The following UGT3A1 variants were observed in gnomAD, a reference collection of about 807,000 sequenced individuals.
UGT3A1 encodes the protein UDP-glycosyltransferase 3A1.
A neutral mutation model predicts 37.6 loss-of-function variants in UGT3A1; 40 were observed. The observed-to-expected ratio is 1.06, with a 90% CI of 0.83 to 1.38. The LOEUF (loss-of-function observed/expected upper bound fraction) is 1.38, where lower values mean the gene tolerates loss of function less well. UGT3A1 is among the 40% of genes most tolerant of loss of function. The pLI is 0.00. For missense variants in UGT3A1, 642 were observed against 634.2 expected (o/e 1.01, Z -0.13); for synonymous variants, 256 against 232.3 (o/e 1.10, Z -0.93).
At chr5:35,959,061 C>A (rs1739473329) in intron 4 of UGT3A1, among the ~76,000 whole-genome samples, 1 of 152,070 alleles carries the variant, frequency 6.6e-6, no homozygotes, top group Non-Finnish European at 1.5e-5. Context: ...AGAGTCTGGG[C>A]GAGGTTCATT....
chr5:35,980,000 G>C (rs1379153418), intron 2 of UGT3A1, among the ~76,000 whole-genome samples: 2 of 152,166 alleles, frequency 1.3e-5, no homozygotes, highest in African/African-American at 2.4e-5. Context: ...CTGTCCTCAT[G>C]ATTTAATTAC....
chr5:35,972,493 ACG>A (rs1740083417), intron 2 of UGT3A1, among the ~76,000 whole-genome samples: 1 of 87,332 alleles, frequency 1.1e-5, no homozygotes, highest in Non-Finnish European at 2.4e-5. Context: ...TCCTTGAAAT[ACG>A]TGTGTGTGTG....
At chr5:35,995,899 G>A (rs1488497188), upstream of UGT3A1, among the ~76,000 whole-genome samples, 1 of 151,892 alleles carries the variant, frequency 6.6e-6, no homozygotes, top group East Asian at 1.9e-4. Context: ...ATTATAAAAT[G>A]CAAATTTCTT....
At chr5:35,965,258 C>A in intron 4 of UGT3A1, 128 bp downstream of exon 4, 1 of 1,387,556 alleles carries the variant, frequency 7.2e-7, no homozygotes. Flanking sequence ...CCTTTAAGAA[C>A]GTGCCCTAGG....
upstream of UGT3A1, among the ~76,000 whole-genome samples, chr5:35,994,813 C>A (rs1050569557): frequency 6.6e-6 from 1 of 152,172 alleles, no homozygotes; most frequent in African/African-American, 2.4e-5. Flanking sequence ...AATAAGGTCT[C>A]TAAGACCCCG....
At chr5:35,994,329 T>TTCTTTGTG (rs3219508), upstream of UGT3A1, among the ~76,000 whole-genome samples, 107 of 89,580 alleles carry the variant, frequency 1.2e-3, no homozygotes, top group African/African-American at 3.5e-3. Flanking sequence ...TTGTTTTGTT[T>TTCTTTGTG]TGTTTGTGTG....
At chr5:35,992,553 A>G (rs1740983028), upstream of UGT3A1, among the ~76,000 whole-genome samples, 1 of 151,416 alleles carries the variant, frequency 6.6e-6, no homozygotes, top group South Asian at 2.1e-4. Flanking sequence ...TTATTCTGAC[A>G]GCTAATTATT....
chr5:35,952,648 G>A lies in UGT3A1; in HGVS notation c.*1554C>T, dbSNP rs1414061063. 1 of 152,260 alleles carries A rather than the reference G, an allele frequency of 6.6e-6. No homozygotes were observed. The highest frequency in any genetic ancestry group is 1.9e-4 in the East Asian group (1 of 5,188). The allele number at this position is 152,260 out of a possible 1,614,324, so 9.4% of individuals were successfully genotyped here. ...TTGCTCATGAGGGGAATGAAATCAT[G>A]GCTGTTGATTCAACAGAAAACACAG... On this transcript the variant is annotated 3_prime_UTR_variant, in exon 7 of 7. Transcript: ENST00000274278.
upstream of UGT3A1, among the ~76,000 whole-genome samples, chr5:35,992,476 C>G (rs1284834242): frequency 6.6e-6 from 1 of 152,164 alleles, no homozygotes; most frequent in African/African-American, 2.4e-5. Flanking sequence ...ATTCTTATAC[C>G]TTTTATAATG....
chr5:35,984,682 A>T (rs1350152028), intron 2 of UGT3A1, among the ~76,000 whole-genome samples: 1 of 152,082 alleles, frequency 6.6e-6, no homozygotes. Flanking sequence ...CATGTTGGCC[A>T]GGCTGGTCTC....
upstream of UGT3A1, among the ~76,000 whole-genome samples, chr5:35,994,333 T>TTCTG (rs1368444490): frequency 7.2e-6 from 1 of 138,554 alleles, no homozygotes; most frequent in Non-Finnish European, 1.6e-5. Context: ...TTTGTTTTGT[T>TTCTG]TGTGTGTGTG....
chr5:35,970,003 T>C (rs1269123227), intron 2 of UGT3A1, among the ~76,000 whole-genome samples: 5 of 152,126 alleles, frequency 3.3e-5, no homozygotes, highest in Admixed American at 6.5e-5. Context: ...CTCACAATCA[T>C]GGCAGAAGGC....
At chr5:35,997,832 T>C (rs56665523) in intron 1 of UGT3A1, among the ~76,000 whole-genome samples, 2,613 of 152,294 alleles carry the variant, frequency 0.017, 80 homozygotes, top group African/African-American at 0.06. Flanking sequence ...CTATATTTAC[T>C]CAAACAGTTA....
rs185424709 is a variant in UGT3A1, at chr5:35,967,797, T to C, written c.311+222A>G. Among the ~76,000 whole-genome samples the C allele has an allele frequency of 1.7e-3, 261 of 152,270 alleles. 4 individuals are homozygous for C. Among genetic ancestry groups the C allele is most frequent in the South Asian group, 2.3e-3 (11 of 4,832 alleles). ...TTGGGAATGCAAACCTTGTCTACTCTATCCACTCAACCACCCAGCTGTCCT... is the reference window on the plus strand; with the variant it reads ...TTGGGAATGCAAACCTTGTCTACTCCATCCACTCAACCACCCAGCTGTCCT... On this transcript the variant is annotated intron_variant, in intron 3 of 6. Coordinates refer to ENST00000274278, the MANE Select transcript of UGT3A1 (RefSeq NM_152404.4).
chr5:35,967,811 C>T (rs1226453997), intron 3 of UGT3A1, among the ~76,000 whole-genome samples: 1 of 152,150 alleles, frequency 6.6e-6, no homozygotes, highest in African/African-American at 2.4e-5. Context: ...CACTCAACCA[C>T]CCAGCTGTCC....
chr5:35,979,492 C>T (rs1740432416), intron 2 of UGT3A1, among the ~76,000 whole-genome samples: 2 of 152,138 alleles, frequency 1.3e-5, no homozygotes, highest in African/African-American at 4.8e-5. Context: ...TGCTTCAGTT[C>T]CTCATAAGTT....
In UGT3A1 at chr5:35,987,916, A is replaced by G. The variant is rs185431005; in HGVS notation, c.196+534T>C. On this transcript the variant is annotated intron_variant, in intron 2 of 6. Coordinates refer to ENST00000274278, the MANE Select transcript of UGT3A1 (RefSeq NM_152404.4). ...TCTTTGGAGGAAATGAATCAATTAA[A>G]AACTTCTGACATCATTATGTACAAC... Among the ~76,000 whole-genome samples the G allele has an allele frequency of 3.5e-4, 54 of 152,348 alleles. 1 individual carries two copies. Among genetic ancestry groups the G allele is most frequent in the Non-Finnish European group, 1.0e-4 (7 of 68,014 alleles).
At chr5:35,967,912 C>T (rs1023363423) in intron 3 of UGT3A1, 107 bp downstream of exon 3, 1 of 807,400 alleles carries the variant, frequency 1.2e-6, no homozygotes, top group Non-Finnish European at 2.0e-6. Flanking sequence ...CTATCCATCA[C>T]CCACCCATCT....
At chr5:35,996,022 C>CAAA (rs111488776), upstream of UGT3A1, among the ~76,000 whole-genome samples, 1,176 of 111,198 alleles carry the variant, frequency 0.011, 18 homozygotes, top group African/African-American at 0.031. Context: ...TGCGCTATGA[C>CAAA]AAAAAAAAAA....
Sources: allele counts gnomAD v4.1 joint callset (sites outside exome capture counted in the v4.1 genomes callset), GRCh38; gene constraint gnomAD v4.1.1; transcripts MANE v1.5; gene names NCBI Gene and HGNC (gene_info 2026-07-23, HGNC 2026-07-21).